The following NCOR2 variants were observed in gnomAD, a reference collection of about 807,000 sequenced individuals.
The protein encoded by NCOR2 is CTG repeat protein 26.
A neutral mutation model predicts 262.9 loss-of-function variants in NCOR2; 81 were observed. The observed-to-expected ratio is 0.31, with a 90% CI of 0.26 to 0.37. NCOR2 has a LOEUF of 0.37. Among genes scored for constraint, NCOR2 ranks in the 10% least tolerant of loss-of-function variants. NCOR2 has a pLI of 1.00. For synonymous variants in NCOR2, 1,659 were observed against 1,559.3 expected, an observed-to-expected ratio of 1.06 and a Z score of -1.51; for missense variants, 3,385 against 3,621.4, an observed-to-expected ratio of 0.93 and a Z score of 1.68.
chr12:124,417,537 A>C (rs2042977120), intron 13 of NCOR2, among the ~76,000 whole-genome samples: 1 of 152,132 alleles, frequency 6.6e-6, no homozygotes, highest in African/African-American at 2.4e-5. Flanking sequence ...CAAACAGGTC[A>C]TGGGAGGGGA....
rs745924890 is a variant in NCOR2, at chr12:124,340,120, G to A, written c.5573C>T (p.Ser1858Leu). Residue 1858 changes from serine (S) to leucine (L), a missense_variant, in exon 37 of 47, where the codon TCG becomes TTG. Transcript: ENST00000405201. ...ATCCTGGGTCCGAGGGGAGATGGGC[G>A]AGTGCTGGTGGGCATGGGAGTGGGA... 2.4e-5 allele frequency: 39 copies of A among 1,612,508 alleles called. No individual in the cohort carries two copies. The highest frequency in any genetic ancestry group is 1.6e-4 in the Middle Eastern group (1 of 6,062).
At chr12:124,532,578 T>C (rs1391843464) in intron 1 of NCOR2, among the ~76,000 whole-genome samples, 6 of 152,106 alleles carry the variant, frequency 3.9e-5, no homozygotes, top group African/African-American at 1.2e-4. Context: ...TCAGATGTGA[T>C]GGATCGCCCC....
At chr12:124,332,885 A>T (rs958535432) in intron 42 of NCOR2, among the ~76,000 whole-genome samples, 3 of 152,128 alleles carry the variant, frequency 2.0e-5, no homozygotes, top group Non-Finnish European at 4.4e-5. Flanking sequence ...AGGGGCTGTC[A>T]ACGGGGGCCT....
chr12:124,362,197 T>C, exon 22 of NCOR2: 1 of 1,310,628 alleles, frequency 7.6e-7, no homozygotes, highest in South Asian at 3.0e-5. Context: ...CTGAGGGGCG[T>C]CGCTCTCCGG....
intron 3 of NCOR2, among the ~76,000 whole-genome samples, chr12:124,473,451 C>T (rs1364939894): frequency 6.6e-6 from 1 of 152,166 alleles, no homozygotes; most frequent in Non-Finnish European, 1.5e-5. Flanking sequence ...TTCCTGCCCT[C>T]GAACATCACA....
chr12:124,336,884 G>T lies in NCOR2; in HGVS notation c.5984C>A (p.Pro1995His), dbSNP rs367841669. ...GTGGTGAGGTGCGAGGTTCTTCGCA[G>T]GGGTGCGGGCGATGGTGGCGTGGCC... is the stretch of plus-strand genomic sequence containing the variant. The change falls in exon 38 of 47, where the codon CCT (proline) becomes CAT (histidine). Residue 1995 changes from proline to histidine, a missense_variant. Coordinates refer to ENST00000405201, the Ensembl canonical transcript of NCOR2. 9.4e-5 allele frequency: 152 copies of T among 1,609,000 alleles called. No homozygotes were observed. Among genetic ancestry groups the T allele is most frequent in the Non-Finnish European group, 1.2e-4 (146 of 1,177,558 alleles).
chr12:124,373,321 T>C (rs377236289), intron 19 of NCOR2, among the ~76,000 whole-genome samples: 44 of 25,828 alleles, frequency 1.7e-3, no homozygotes, highest in African/African-American at 3.7e-3. Context: ...TGGACAATCA[T>C]GAGGCCAGTG....
intron 44 of NCOR2, 170 bp from the exon 47 acceptor site, chr12:124,327,803 A>G: frequency 1.6e-6 from 1 of 609,660 alleles, no homozygotes. Context: ...TTATTTCCCT[A>G]TCCCTCCCCA....
At chr12:124,469,079 G>A (rs569381493) in intron 4 of NCOR2, among the ~76,000 whole-genome samples, 7 of 151,494 alleles carry the variant, frequency 4.6e-5, no homozygotes, top group South Asian at 2.1e-4. Flanking sequence ...TCATGCTGCC[G>A]TCTGCTTCAT....
chr12:124,380,912 G>C (rs1173808658), intron 17 of NCOR2, among the ~76,000 whole-genome samples: 1 of 152,184 alleles, frequency 6.6e-6, no homozygotes, highest in Non-Finnish European at 1.5e-5. Flanking sequence ...CCGGCACTGT[G>C]GGATCAGGAG....
chr12:124,511,269 G>A (rs1147291), intron 1 of NCOR2, among the ~76,000 whole-genome samples: 101,130 of 152,082 alleles, frequency 0.66, 36,489 homozygotes, highest in East Asian at 0.88. Context: ...ACAGCCGGCC[G>A]GCTCCACTCC....
At position 124,344,882 on chromosome 12, in the gene NCOR2, T is replaced by A; in HGVS notation, c.4429A>T (p.Ile1477Phe). Residue 1477 changes from isoleucine to phenylalanine, a missense_variant, in exon 32 of 47, where the codon ATC becomes TTC. Coordinates refer to ENST00000405201, the Ensembl canonical transcript of NCOR2. ...GGGAACGTCCGGCCGGGGCTGCCGATGAGGGAGCGTACGTCGTGCTTTTTG... is the reference window on the plus strand; with the variant it reads ...GGGAACGTCCGGCCGGGGCTGCCGAAGAGGGAGCGTACGTCGTGCTTTTTG... 6.3e-7 allele frequency: 1 copy of A among 1,582,376 alleles called. No homozygotes were observed. The highest frequency in any genetic ancestry group is 8.6e-7 in the Non-Finnish European group (1 of 1,164,110).
At chr12:124,362,020 C>A (rs1020928325) in intron 22 of NCOR2, 106 bp downstream of exon 24, 64 of 1,056,982 alleles carry the variant, frequency 6.1e-5, no homozygotes, top group Non-Finnish European at 7.2e-5. Context: ...GCTTTCCCTG[C>A]CACTGTGGCC....
intron 22 of NCOR2, among the ~76,000 whole-genome samples, chr12:124,360,113 C>T (rs377654836): frequency 8.1e-4 from 124 of 152,332 alleles, no homozygotes; most frequent in East Asian, 3.9e-3. Flanking sequence ...TGGCTGGCAC[C>T]GTGCAGTTCC....
chr12:124,375,805 G>A (rs764387738), intron 18 of NCOR2, among the ~76,000 whole-genome samples: 10 of 152,162 alleles, frequency 6.6e-5, no homozygotes, highest in Non-Finnish European at 1.3e-4. Context: ...AGAAACCACT[G>A]GGCCAGGGTA....
intron 14 of NCOR2, among the ~76,000 whole-genome samples, chr12:124,402,050 C>T (rs950079689): frequency 1.3e-5 from 2 of 152,262 alleles, no homozygotes; most frequent in Admixed American, 6.5e-5. Flanking sequence ...CCCTTCCTGG[C>T]GCCTCAGGAG....
chr12:124,438,949 A>ACG, intron 7 of NCOR2, among the ~76,000 whole-genome samples: 1 of 125,212 alleles, frequency 8.0e-6, no homozygotes, highest in Non-Finnish European at 1.7e-5. Context: ...AGAGGGAGAG[A>ACG]GAGACCCAGA....
chr12:124,484,124 C>A (rs1174450970), intron 2 of NCOR2, among the ~76,000 whole-genome samples: 3 of 152,226 alleles, frequency 2.0e-5, no homozygotes, highest in Non-Finnish European at 4.4e-5. Flanking sequence ...CTGAGGCCTA[C>A]TGAGTCAGAC....
chr12:124,332,771 C>A (rs891147197), intron 42 of NCOR2, among the ~76,000 whole-genome samples: 1 of 152,174 alleles, frequency 6.6e-6, no homozygotes, highest in African/African-American at 2.4e-5. Context: ...CGATCATGCC[C>A]TTCCCCAGGG....
Sources: allele counts gnomAD v4.1 joint callset (sites outside exome capture counted in the v4.1 genomes callset), GRCh38; gene constraint gnomAD v4.1.1; transcripts MANE v1.5; gene names NCBI Gene and HGNC (gene_info 2026-07-23, HGNC 2026-07-21).